TXNRD1: variants seen among roughly 807,000 people sequenced by gnomAD.
TXNRD1 encodes the protein thioredoxin reductase 1, cytoplasmic.
TXNRD1 carries 57 observed loss-of-function variants against 80.3 expected under a neutral mutation model. The ratio of observed to expected loss-of-function variants is 0.71; its 90% CI spans 0.57 to 0.89. The LOEUF is 0.89. Among genes scored for constraint, TXNRD1 ranks in the 40% least tolerant of loss-of-function variants. The pLI is 0.00. For missense variants in TXNRD1, 730 were observed against 803.0 expected, an observed-to-expected ratio of 0.91 and a Z score of 1.10; for synonymous variants, 291 against 285.2, an observed-to-expected ratio of 1.02 and a Z score of -0.20.
rs2034242433 is a variant in TXNRD1 at position 104,292,185 on chromosome 12, A to C, written c.414+3145A>C. ...GTGTACTATAGAAGACAAGGGAGAAAGAATCCTGCTGGAAGAAGTTGGTGA... is the reference window on the plus strand; with the variant it reads ...GTGTACTATAGAAGACAAGGGAGAACGAATCCTGCTGGAAGAAGTTGGTGA... On this transcript the variant is annotated intron_variant, in intron 4 of 16. Coordinates refer to ENST00000525566, the MANE Select transcript of TXNRD1 (RefSeq NM_001093771.3). 2.0e-5 allele frequency among the ~76,000 whole-genome samples: 3 copies of C among 152,204 alleles called. No individual in the cohort carries two copies. The South Asian group carries it at 6.2e-4, about 32-fold the overall frequency.
intron 16 of TXNRD1, among the ~76,000 whole-genome samples, chr12:104,339,622 T>G (rs532653092): frequency 2.6e-5 from 4 of 152,242 alleles, no homozygotes; most frequent in Non-Finnish European, 5.9e-5. Context: ...TAATTGATAC[T>G]GTCTGCCTCT....
At chr12:104,216,026 C>A in intron 1 of TXNRD1, 133 bp downstream of exon 1, 1 of 750,132 alleles carries the variant, frequency 1.3e-6, no homozygotes, top group Non-Finnish European at 2.1e-6. Context: ...GACCGCGCGC[C>A]ACGCTGGAGA....
intron 1 of TXNRD1, among the ~76,000 whole-genome samples, chr12:104,232,419 T>G (rs1346390385): frequency 1.3e-5 from 2 of 152,030 alleles, no homozygotes; most frequent in Non-Finnish European, 2.9e-5. Context: ...AAAAATTAGC[T>G]GGGTGTGGTG....
intron 10 of TXNRD1, 77 bp downstream of exon 10, chr12:104,321,393 A>G: frequency 6.9e-6 from 8 of 1,165,276 alleles, no homozygotes; most frequent in Non-Finnish European, 1.0e-5. Flanking sequence ...TTGGTGGTAG[A>G]AGCATCCTTT....
chr12:104,216,578 T>A (rs892369973), intron 1 of TXNRD1, among the ~76,000 whole-genome samples: 16 of 152,224 alleles, frequency 1.1e-4, no homozygotes, highest in African/African-American at 3.9e-4. Flanking sequence ...GCACTAGACA[T>A]GGGTAATAAT....
In TXNRD1 at chr12:104,331,580, ATGGTGCTTG is replaced by A; in HGVS notation, c.1593_1601del (p.Ala532_Gly534del). On this transcript the variant is annotated inframe_deletion, in exon 14 of 17. Transcript: ENST00000525566. The stretch of plus-strand genomic sequence containing the variant: ...ACCACTGTATTTACTCCTTTGGAAT[ATGGTGCTTG>A]TGGCCTTTCTGAGGAGAAAGCTGTG... 6.2e-7 allele frequency: 1 copy of A among 1,612,736 alleles called. No homozygotes were observed. The highest frequency in any genetic ancestry group is 8.5e-7 in the Non-Finnish European group (1 of 1,179,272).
chr12:104,303,738 CA>C, intron 4 of TXNRD1: 1 of 906,638 alleles, frequency 1.1e-6, no homozygotes, highest in Non-Finnish European at 1.6e-6. Flanking sequence ...CGCTAGTGCG[CA>C]TGGGCGGGCG....
intron 3 of TXNRD1, among the ~76,000 whole-genome samples, chr12:104,273,475 C>G (rs1213771387): frequency 6.6e-6 from 1 of 151,892 alleles, no homozygotes; most frequent in Non-Finnish European, 1.5e-5. Context: ...CGCCTATAGT[C>G]CCAGCTACTC....
At chr12:104,218,500 C>A (rs912804219) in intron 1 of TXNRD1, among the ~76,000 whole-genome samples, 1 of 152,276 alleles carries the variant, frequency 6.6e-6, no homozygotes, top group Non-Finnish European at 1.5e-5. Flanking sequence ...ACTCTGATTT[C>A]TAACAGCATA....
intron 3 of TXNRD1, among the ~76,000 whole-genome samples, chr12:104,269,819 T>A (rs1264339850): frequency 6.6e-6 from 1 of 152,046 alleles, no homozygotes; most frequent in African/African-American, 2.4e-5. Flanking sequence ...TCCGCCTGCC[T>A]TGTCCTCCCA....
At chr12:104,257,056 A>G (rs1341223660) in intron 2 of TXNRD1, among the ~76,000 whole-genome samples, 1 of 116,828 alleles carries the variant, frequency 8.6e-6, no homozygotes. Flanking sequence ...TTTAAATTTT[A>G]TTGTATAACT....
intron 2 of TXNRD1, among the ~76,000 whole-genome samples, chr12:104,254,522 T>G (rs2033195882): frequency 6.6e-6 from 1 of 150,582 alleles, no homozygotes; most frequent in Non-Finnish European, 1.5e-5. Flanking sequence ...CTGGGCACAG[T>G]GGCTTATGCC....
intron 1 of TXNRD1, among the ~76,000 whole-genome samples, chr12:104,223,476 G>A (rs2135675490): frequency 6.6e-6 from 1 of 152,152 alleles, no homozygotes; most frequent in Middle Eastern, 3.4e-3. Context: ...GGGAATAGAA[G>A]GAATAGAACT....
At chr12:104,291,196 C>CTTTTTTTTTTTTTTTTTT (rs35069007) in intron 4 of TXNRD1, 1 of 132,760 alleles carries the variant, frequency 7.5e-6, no homozygotes, top group Non-Finnish European at 1.4e-5. Flanking sequence ...TACTTTGTGT[C>CTTTTTTTTTTTTTTTTTT]TTTTTTTTTT....
chr12:104,297,988 GT>G, intron 4 of TXNRD1, among the ~76,000 whole-genome samples: 1 of 152,298 alleles, frequency 6.6e-6, no homozygotes, highest in South Asian at 2.1e-4. Flanking sequence ...CCAGCACTGG[GT>G]TTTTAAAGTG....
At chr12:104,305,213 A>T (rs1449271564) in intron 4 of TXNRD1, 3 of 265,726 alleles carry the variant, frequency 1.1e-5, no homozygotes, top group African/African-American at 2.2e-5. Flanking sequence ...AAATTAAGGG[A>T]TATTTGATAA....
At chr12:104,226,448 T>A (rs4964678) in intron 1 of TXNRD1, among the ~76,000 whole-genome samples, 99,922 of 151,944 alleles carry the variant, frequency 0.66, 33,380 homozygotes, top group Non-Finnish European at 0.72. Context: ...GAGCCTGATA[T>A]AATAACAGTG....
At chr12:104,273,012 C>G (rs1205001647) in intron 3 of TXNRD1, among the ~76,000 whole-genome samples, 1 of 151,592 alleles carries the variant, frequency 6.6e-6, no homozygotes, top group Non-Finnish European at 1.5e-5. Context: ...CATTTAAAAT[C>G]TATAGATAAT....
chr12:104,247,424 A>G (rs1384756432), intron 1 of TXNRD1, among the ~76,000 whole-genome samples: 1 of 152,190 alleles, frequency 6.6e-6, no homozygotes, highest in African/African-American at 2.4e-5. Context: ...TTCCTGCAAC[A>G]TTTACTTAAC....
Sources: allele counts gnomAD v4.1 joint callset (sites outside exome capture counted in the v4.1 genomes callset), GRCh38; gene constraint gnomAD v4.1.1; transcripts MANE v1.5; gene names NCBI Gene and HGNC (gene_info 2026-07-23, HGNC 2026-07-21).